The following BRINP3 variants were observed in gnomAD, a reference collection of about 807,000 sequenced individuals.
BRINP3 encodes BMP/retinoic acid-inducible neural-specific protein 3.
A neutral mutation model predicts 71.0 loss-of-function variants in BRINP3; 19 were observed. The ratio of observed to expected loss-of-function variants is 0.27; its 90% CI spans 0.19 to 0.39. The LOEUF is 0.39. BRINP3 is among the 10% of genes least tolerant of loss of function. The pLI is 1.00. For synonymous variants in BRINP3, 380 were observed against 337.7 expected, an observed-to-expected ratio of 1.13 and a Z score of -1.37; for missense variants, 959 against 940.8, an observed-to-expected ratio of 1.02 and a Z score of -0.25.
chr1:190,264,704 A>T (rs1190415020), intron 4 of BRINP3, among the ~76,000 whole-genome samples, 161 bp downstream of exon 4: 1 of 152,212 alleles, frequency 6.6e-6, no homozygotes, highest in East Asian at 1.9e-4. Context: ...ATACAATTTC[A>T]TCTTAAATAT....
intron 6 of BRINP3, among the ~76,000 whole-genome samples, chr1:190,207,277 G>T (rs1262432009): frequency 6.6e-6 from 1 of 152,084 alleles, no homozygotes; most frequent in East Asian, 1.9e-4. Flanking sequence ...AATTTATCTT[G>T]TTATTCTCTG....
In BRINP3 at chr1:190,319,759, C is replaced by T. The variant is rs548810877; in HGVS notation, c.237-38009G>A. Among the ~76,000 whole-genome samples, 7 of 152,116 alleles carry T rather than the reference C, an allele frequency of 4.6e-5. No individual in the cohort carries two copies. In the East Asian group the frequency reaches 1.4e-3, roughly 30 times the overall value. On this transcript the variant is annotated intron_variant, in intron 2 of 7. Transcript: ENST00000367462. ...GTGTGTCAAACCATGAGAAACTACC[C>T]CCTTGATCCAATCACCTCCCAGCAG...
intron 2 of BRINP3, among the ~76,000 whole-genome samples, chr1:190,417,558 C>G (rs1386779091): frequency 2.6e-5 from 4 of 151,884 alleles, no homozygotes; most frequent in African/African-American, 9.7e-5. Flanking sequence ...TTAAATATGT[C>G]TTTGTTATTT....
At chr1:190,112,828 T>C (rs961301223) in intron 7 of BRINP3, among the ~76,000 whole-genome samples, 1 of 152,094 alleles carries the variant, frequency 6.6e-6, no homozygotes, top group Non-Finnish European at 1.5e-5. Context: ...TGGTGAGAAT[T>C]GTACTGAAAC....
intron 7 of BRINP3, among the ~76,000 whole-genome samples, chr1:190,103,141 C>T (rs192107259): frequency 7.9e-5 from 12 of 152,096 alleles, no homozygotes; most frequent in East Asian, 1.9e-4. Context: ...TGCCCTGTGA[C>T]GAGTTACTTA....
chr1:190,194,471 G>T (rs1654309089), intron 6 of BRINP3, among the ~76,000 whole-genome samples: 1 of 151,934 alleles, frequency 6.6e-6, no homozygotes. Context: ...AAAAACTACT[G>T]TGAAAATATT....
chr1:190,333,909 C>T (rs1415695793), intron 2 of BRINP3, among the ~76,000 whole-genome samples: 1 of 151,898 alleles, frequency 6.6e-6, no homozygotes, highest in Non-Finnish European at 1.5e-5. Context: ...CTCTACTTGA[C>T]AGCCCTTCAA....
At chr1:190,156,921 T>TGAAC (rs1656919496) in intron 7 of BRINP3, among the ~76,000 whole-genome samples, 3 of 152,066 alleles carry the variant, frequency 2.0e-5, no homozygotes, top group Non-Finnish European at 4.4e-5. Context: ...AAACTTGAAC[T>TGAAC]TGTATAGCAT....
intron 2 of BRINP3, among the ~76,000 whole-genome samples, chr1:190,285,336 T>C (rs943172981): frequency 6.6e-6 from 1 of 152,154 alleles, no homozygotes; most frequent in Non-Finnish European, 1.5e-5. Context: ...ACAGATGAAT[T>C]GTGAGCATGT....
At chr1:190,214,154 T>G (rs1203580374) in intron 6 of BRINP3, among the ~76,000 whole-genome samples, 1 of 152,072 alleles carries the variant, frequency 6.6e-6, no homozygotes, top group Non-Finnish European at 1.5e-5. Flanking sequence ...GTTCAGGCCT[T>G]CAAAATTTCA....
At chr1:190,164,355 A>T (rs924978562) in intron 6 of BRINP3, among the ~76,000 whole-genome samples, 5 of 152,162 alleles carry the variant, frequency 3.3e-5, no homozygotes, top group African/African-American at 1.2e-4. Context: ...TTCTTGAGTT[A>T]TAAATCAACT....
At chr1:190,391,818 C>T (rs1009685168) in intron 2 of BRINP3, among the ~76,000 whole-genome samples, 1 of 151,710 alleles carries the variant, frequency 6.6e-6, no homozygotes, top group African/African-American at 2.4e-5. Context: ...CAAAACATGC[C>T]TGTCTTCCTC....
At chr1:190,188,416 C>T (rs1653730178) in intron 6 of BRINP3, among the ~76,000 whole-genome samples, 1 of 152,076 alleles carries the variant, frequency 6.6e-6, no homozygotes, top group Non-Finnish European at 1.5e-5. Flanking sequence ...ATGGAAGTTG[C>T]AAGAGTCTTT....
intron 4 of BRINP3, among the ~76,000 whole-genome samples, chr1:190,247,153 CA>C (rs982959207): frequency 2.7e-5 from 4 of 148,590 alleles, no homozygotes; most frequent in South Asian, 2.1e-4. Flanking sequence ...ATTCGGTTAC[CA>C]AAAAAAAACA....
chr1:190,364,007 T>C (rs889479336), intron 2 of BRINP3, among the ~76,000 whole-genome samples: 9 of 151,626 alleles, frequency 5.9e-5, no homozygotes, highest in African/African-American at 2.2e-4. Flanking sequence ...AAAAATGATA[T>C]CCCAAATATT....
Position 190,248,205 on chromosome 1 carries a change from C to A in BRINP3, c.619-13728G>T, listed in dbSNP as rs974940509. 5.3e-5 allele frequency among the ~76,000 whole-genome samples: 8 copies of A among 151,684 alleles called. No individual in the cohort carries two copies. In the East Asian group the frequency reaches 9.7e-4, roughly 18 times the overall value. ...TATTAGATTCGTGCAAACGTAATTG[C>A]GGTTTTTGCCATTACTTTTAATGGC... On this transcript the variant is annotated intron_variant, in intron 4 of 7. Transcript: ENST00000367462.
Position 190,097,895 on chromosome 1 carries a change from T to C in BRINP3, c.*123A>G. ...ATGTGTGTAAATTGCCATCCAATGT[T>C]ATTGACTGATATAAGACAGATATTG... is the stretch of plus-strand genomic sequence containing the variant. On this transcript the variant is annotated 3_prime_UTR_variant, in exon 8 of 8. Transcript: ENST00000367462. The C allele has an allele frequency of 9.3e-7, 1 of 1,080,826 alleles. No individual in the cohort carries two copies. Among genetic ancestry groups the C allele is most frequent in the Non-Finnish European group, 1.3e-6 (1 of 754,844 alleles). 67.0% of individuals were successfully genotyped at this position (1,080,826 alleles called of 1,614,324 possible). A position where few individuals can be genotyped will look rare whatever the true frequency, so the allele number is the denominator to read the frequency against.
chr1:190,192,921 T>C (rs781613545), intron 6 of BRINP3, among the ~76,000 whole-genome samples: 1 of 152,134 alleles, frequency 6.6e-6, no homozygotes, highest in Non-Finnish European at 1.5e-5. Context: ...TTTTATGTTT[T>C]GCTTAAACTT....
chr1:190,244,553 C>T (rs951251744), intron 4 of BRINP3, among the ~76,000 whole-genome samples: 4 of 151,998 alleles, frequency 2.6e-5, no homozygotes, highest in African/African-American at 9.7e-5. Context: ...GCACCTATCA[C>T]CATCCTGGAA....
Sources: allele counts gnomAD v4.1 joint callset (sites outside exome capture counted in the v4.1 genomes callset), GRCh38; gene constraint gnomAD v4.1.1; transcripts MANE v1.5; gene names NCBI Gene and HGNC (gene_info 2026-07-23, HGNC 2026-07-21).